The following HMGCLL1 variants were observed in gnomAD, a reference collection of about 807,000 sequenced individuals.
The protein encoded by HMGCLL1 is 3-hydroxy-3-methylglutaryl-CoA lyase like 1, also known as 3-hydroxymethyl-3-methylglutaryl-CoA lyase, cytoplasmic.
In HMGCLL1, 36 loss-of-function variants were observed where a neutral mutation model predicts 39.1. The ratio of observed to expected loss-of-function variants is 0.92; its 90% confidence interval spans 0.71 to 1.22. HMGCLL1 has a LOEUF of 1.22. HMGCLL1 is among the 50% of genes most tolerant of loss of function. HMGCLL1 has a pLI of 0.00. For synonymous variants in HMGCLL1, 149 were observed against 144.0 expected (o/e 1.03, Z -0.25); for missense variants, 451 against 416.5 (o/e 1.08, Z -0.72).
intron 5 of HMGCLL1, among the ~76,000 whole-genome samples, chr6:55,509,068 T>A (rs373968521): frequency 6.6e-6 from 1 of 151,820 alleles, no homozygotes; most frequent in Non-Finnish European, 1.5e-5. Context: ...GAATAATATA[T>A]AAAGCTTAAA....
At chr6:55,464,420 G>A (rs1187030009) in intron 7 of HMGCLL1, among the ~76,000 whole-genome samples, 2 of 152,066 alleles carry the variant, frequency 1.3e-5, no homozygotes, top group African/African-American at 4.8e-5. Context: ...TCTACTGCCA[G>A]GCTTCTGTGT....
intron 1 of HMGCLL1, among the ~76,000 whole-genome samples, chr6:55,543,512 T>TC (rs1561951766): frequency 1.2e-3 from 105 of 88,550 alleles, no homozygotes; most frequent in African/African-American, 4.4e-3. Flanking sequence ...ATATCATATA[T>TC]AATATATATA....
upstream of HMGCLL1, among the ~76,000 whole-genome samples, chr6:55,581,728 T>C (rs1024370574): frequency 5.3e-5 from 8 of 152,144 alleles, no homozygotes; most frequent in East Asian, 1.4e-3. Flanking sequence ...AAACCAGTTG[T>C]TAAAAACTAC....
chr6:55,507,600 C>T (rs1402125602), intron 5 of HMGCLL1, among the ~76,000 whole-genome samples: 2 of 151,750 alleles, frequency 1.3e-5, no homozygotes, highest in East Asian at 3.9e-4. Flanking sequence ...TTTTATTCAA[C>T]AAATTAAACC....
Position 55,450,491 on chromosome 6 carries a change from G to T in HMGCLL1, c.796-10932C>A, listed in dbSNP as rs1325001893. Among the ~76,000 whole-genome samples the T allele has an allele frequency of 3.9e-5, 6 of 152,178 alleles. No individual in the cohort carries two copies. The East Asian group carries it at 7.7e-4, about 20-fold the overall frequency. On this transcript the variant is annotated intron_variant, in intron 7 of 8. Transcript: ENST00000274901. ...TAGTACCAATTAACAGGCTTGTTGA[G>T]GATTCTATGAGATCTTTCATGGAAT...
the HMGCLL1 span, among the ~76,000 whole-genome samples, chr6:55,675,602 C>A: frequency 6.6e-6 from 1 of 152,134 alleles, no homozygotes; most frequent in Non-Finnish European, 1.5e-5. Flanking sequence ...ATTTGAGAGA[C>A]CAACAATGTA....
intron 3 of HMGCLL1, among the ~76,000 whole-genome samples, chr6:55,519,511 ACT>A (rs758355209): frequency 1.3e-5 from 2 of 152,062 alleles, no homozygotes; most frequent in African/African-American, 2.4e-5. Flanking sequence ...GAGTGTGAGT[ACT>A]CTCTGTCTCT....
the HMGCLL1 span, among the ~76,000 whole-genome samples, chr6:55,628,119 A>AGT: frequency 1.5e-3 from 1 of 646 alleles, no homozygotes; most frequent in Non-Finnish European, 3.0e-3. Context: ...TATAATATAT[A>AGT]AAATAAATAT....
intron 5 of HMGCLL1, among the ~76,000 whole-genome samples, chr6:55,507,767 C>CATTT (rs1767244618): frequency 6.6e-6 from 1 of 151,716 alleles, no homozygotes; most frequent in African/African-American, 2.4e-5. Flanking sequence ...ATATGAAAGA[C>CATTT]ATTTCATTTC....
At chr6:55,555,039 A>C (rs886350366) in intron 1 of HMGCLL1, among the ~76,000 whole-genome samples, 2 of 152,140 alleles carry the variant, frequency 1.3e-5, no homozygotes, top group African/African-American at 4.8e-5. Flanking sequence ...CAACTAAATC[A>C]CATCACTTCT....
At chr6:55,560,148 C>T (rs746602107) in intron 1 of HMGCLL1, among the ~76,000 whole-genome samples, 3 of 152,134 alleles carry the variant, frequency 2.0e-5, no homozygotes, top group Non-Finnish European at 4.4e-5. Context: ...TAAATCAACA[C>T]TGCTGCAGTA....
At chr6:55,645,377 G>C in the HMGCLL1 span, among the ~76,000 whole-genome samples, 1 of 151,814 alleles carries the variant, frequency 6.6e-6, no homozygotes, top group Non-Finnish European at 1.5e-5. Flanking sequence ...TTTCCAATTT[G>C]GATGCCTTTA....
At chr6:55,561,634 A>T (rs1770953020) in intron 1 of HMGCLL1, among the ~76,000 whole-genome samples, 1 of 148,482 alleles carries the variant, frequency 6.7e-6, no homozygotes, top group African/African-American at 2.6e-5. Flanking sequence ...AAGCCAACTT[A>T]AAAAAAGTAT....
chr6:55,509,155 T>A (rs145260984), intron 5 of HMGCLL1, among the ~76,000 whole-genome samples: 108 of 152,012 alleles, frequency 7.1e-4, no homozygotes, highest in African/African-American at 2.5e-3. Flanking sequence ...GAGTTTTATG[T>A]CCCATATTTT....
At chr6:55,479,972 A>C (rs955024852) in intron 7 of HMGCLL1, among the ~76,000 whole-genome samples, 1 of 151,580 alleles carries the variant, frequency 6.6e-6, no homozygotes, top group Admixed American at 6.6e-5. Context: ...TTCCTTCAAA[A>C]ATTTAAAACA....
chr6:55,590,748 T>G, the HMGCLL1 span, among the ~76,000 whole-genome samples: 1 of 151,970 alleles, frequency 6.6e-6, no homozygotes, highest in African/African-American at 2.4e-5. Flanking sequence ...AGCACATAAA[T>G]TTTAACATAT....
At chr6:55,673,081 C>T in the HMGCLL1 span, among the ~76,000 whole-genome samples, 2 of 151,952 alleles carry the variant, frequency 1.3e-5, no homozygotes, top group Non-Finnish European at 2.9e-5. Context: ...CCTATGCAAC[C>T]TTCCTATGGA....
At chr6:55,627,843 AC>A in the HMGCLL1 span, among the ~76,000 whole-genome samples, 1 of 114,178 alleles carries the variant, frequency 8.8e-6, no homozygotes, top group African/African-American at 3.3e-5. Flanking sequence ...TTATTGTGGG[AC>A]CTTGTGATCA....
At chr6:55,642,065 C>G in the HMGCLL1 span, among the ~76,000 whole-genome samples, 8 of 100,436 alleles carry the variant, frequency 8.0e-5, no homozygotes, top group South Asian at 4.4e-4. Context: ...CCCCTCCCCC[C>G]ACCCCACCAC....
Sources: allele counts gnomAD v4.1 joint callset (sites outside exome capture counted in the v4.1 genomes callset), GRCh38; gene constraint gnomAD v4.1.1; transcripts MANE v1.5; gene names NCBI Gene and HGNC (gene_info 2026-07-23, HGNC 2026-07-21).